ARHGEF18: variants seen among roughly 807,000 people sequenced by gnomAD.
ARHGEF18 encodes the protein Rho/Rac guanine nucleotide exchange factor 18.
A neutral mutation model predicts 155.7 loss-of-function variants in ARHGEF18; 93 were observed. The ratio of observed to expected loss-of-function variants is 0.60; its 90% CI spans 0.50 to 0.71. The LOEUF (loss-of-function observed/expected upper bound fraction) is 0.71, where lower values mean the gene tolerates loss of function less well. ARHGEF18 is among the 30% of genes least tolerant of loss of function. The pLI, the probability that ARHGEF18 is intolerant of heterozygous loss-of-function variation, is 0.00. For synonymous variants in ARHGEF18, 742 were observed against 753.1 expected, an observed-to-expected ratio of 0.99 and a Z score of 0.24; for missense variants, 1,593 against 1,816.1, an observed-to-expected ratio of 0.88 and a Z score of 2.23.
chr19:7,450,642 T>C, intron 15 of ARHGEF18, among the ~76,000 whole-genome samples: 1 of 148,616 alleles, frequency 6.7e-6, no homozygotes, highest in Non-Finnish European at 1.5e-5. Context: ...TTCCAAGATG[T>C]TAATACGGGA....
At chr19:7,376,297 T>C (rs1157686676) in intron 4 of ARHGEF18, among the ~76,000 whole-genome samples, 11 of 152,070 alleles carry the variant, frequency 7.2e-5, no homozygotes, top group Admixed American at 7.2e-4. Flanking sequence ...ACCTGAGGAA[T>C]GCATGCTTGG....
chr19:7,419,119 A>C (rs1396353196), intron 10 of ARHGEF18, among the ~76,000 whole-genome samples: 2 of 114,256 alleles, frequency 1.8e-5, no homozygotes, highest in African/African-American at 5.4e-5. Context: ...TCTGTACCCC[A>C]GATGTACCCA....
Position 7,441,781 on chromosome 19 carries a change from C to T in ARHGEF18, c.1219+16C>T, listed in dbSNP as rs2287908. The T allele has an allele frequency of 6.8e-5, 110 of 1,613,624 alleles. No homozygotes were observed. Among genetic ancestry groups the T allele is most frequent in the Non-Finnish European group, 8.8e-5 (104 of 1,179,628 alleles). On this transcript the variant is annotated intron_variant, in intron 12 of 28. Coordinates refer to ENST00000668164, the MANE Select transcript of ARHGEF18 (RefSeq NM_001367823.1). ...TTTGTAGAAGGTATGGTCATCTCCG[C>T]TCTCTCGCGGCTGCCACACAGTTCC...
chr19:7,398,939 T>A (rs1600297482), intron 10 of ARHGEF18, among the ~76,000 whole-genome samples: 2 of 152,338 alleles, frequency 1.3e-5, no homozygotes, highest in South Asian at 4.1e-4. Flanking sequence ...ACCTAGCACA[T>A]GTTTAACATA....
At chr19:7,477,091 T>G, downstream of ARHGEF18, 1 of 1,046,580 alleles carries the variant, frequency 9.6e-7, no homozygotes, top group Non-Finnish European at 1.3e-6. Context: ...TGCCCATGGG[T>G]TTCACCACAG....
At chr19:7,407,767 C>T (rs893458281) in intron 10 of ARHGEF18, among the ~76,000 whole-genome samples, 5 of 151,918 alleles carry the variant, frequency 3.3e-5, no homozygotes, top group Admixed American at 3.3e-4. Flanking sequence ...TTAAGACCAT[C>T]TTGACTAAAA....
intron 10 of ARHGEF18, among the ~76,000 whole-genome samples, chr19:7,411,304 T>TTCCC (rs1348345667): frequency 1.3e-5 from 1 of 74,774 alleles, no homozygotes; most frequent in Non-Finnish European, 2.9e-5. Context: ...TCCCCTTCCC[T>TTCCC]TTTCTTTTCT....
chr19:7,470,643 G>T lies in ARHGEF18; in HGVS notation c.*345G>T. ...GATCAACTCCGAGCTGTTTTTCCGA[G>T]GCAGTGAGGAACGGTGCCGGCTCTG... On this transcript the variant is annotated 3_prime_UTR_variant, in exon 29 of 29. Transcript: ENST00000668164. The surrounding 1 kb of genome is among the most constrained non-coding windows in gnomAD (Gnocchi z 5.9). The T allele has an allele frequency of 2.5e-6, 1 of 397,926 alleles. No homozygotes were observed. Among genetic ancestry groups the T allele is most frequent in the Non-Finnish European group, 4.4e-6 (1 of 225,694 alleles). 24.6% of individuals were successfully genotyped at this position (397,926 alleles called of 1,614,324 possible).
intron 2 of ARHGEF18, among the ~76,000 whole-genome samples, chr19:7,369,482 A>G (rs910125021): frequency 6.6e-6 from 1 of 150,562 alleles, no homozygotes; most frequent in Non-Finnish European, 1.5e-5. Flanking sequence ...AGAAAAAAAA[A>G]AGGAAAGAAA....
chr19:7,470,211 G>A lies in ARHGEF18; in HGVS notation c.3999G>A (p.Leu1333=), dbSNP rs779664750. 3 of 1,610,180 alleles carry A rather than the reference G, an allele frequency of 1.9e-6. No homozygotes were observed. Among genetic ancestry groups the A allele is most frequent in the Non-Finnish European group, 1.7e-6 (2 of 1,178,776 alleles). Residue 1333 remains leucine (L), a synonymous_variant, in exon 29 of 29, where the codon CTG becomes CTA. Coordinates refer to ENST00000668164, the MANE Select transcript of ARHGEF18 (RefSeq NM_001367823.1). The surrounding 1 kb of genome is among the most constrained non-coding windows in gnomAD (Gnocchi z 5.9). ...TCAAGGCCGGGGGCACAGCCCTCCTGCCCGGGCCCCCAGCTCCCTCGCCAC... is the reference window on the plus strand; with the variant it reads ...TCAAGGCCGGGGGCACAGCCCTCCTACCCGGGCCCCCAGCTCCCTCGCCAC... The part of the protein sequence containing the change: ...FSLKAGGTAL[L]PGPPAPSPLP...
chr19:7,374,445 G>A (rs769612280), intron 3 of ARHGEF18, among the ~76,000 whole-genome samples: 1 of 152,126 alleles, frequency 6.6e-6, no homozygotes, highest in Non-Finnish European at 1.5e-5. Flanking sequence ...GGGAGGCCAA[G>A]GCGGGTGGAT....
chr19:7,476,339 T>C (rs536245396), downstream of ARHGEF18, among the ~76,000 whole-genome samples: 4 of 147,016 alleles, frequency 2.7e-5, no homozygotes, highest in Non-Finnish European at 5.9e-5. Flanking sequence ...GTGCAATTGA[T>C]ATCACATGAG....
At chr19:7,420,397 C>T (rs541098624) in intron 10 of ARHGEF18, among the ~76,000 whole-genome samples, 4 of 152,258 alleles carry the variant, frequency 2.6e-5, no homozygotes, top group Admixed American at 6.5e-5. Context: ...GGACTACAGG[C>T]GTGTGCCATC....
chr19:7,467,335 G>C lies in ARHGEF18; in HGVS notation c.3131G>C (p.Arg1044Pro), dbSNP rs1426897856. ...GNLLLEQERQ[R>P]NFEKQREERA... is the part of the protein sequence containing the mutation. ...CTGCTGCTGGAGCAGGAGCGGCAAC[G>C]CAACTTCGAGAAGCAGCGGGAGGAG... Residue 1044 changes from arginine (R) to proline (P), a missense_variant, in exon 26 of 29, where the codon CGC (arginine) becomes CCC (proline). By Grantham distance (103) the Arg-to-Pro change is moderately radical. Coordinates refer to ENST00000668164, the MANE Select transcript of ARHGEF18 (RefSeq NM_001367823.1). 1 of 1,537,630 alleles carries C rather than the reference G, an allele frequency of 6.5e-7. No homozygotes were observed. The highest frequency in any genetic ancestry group is 2.0e-5 in the Admixed American group (1 of 51,030).
At chr19:7,358,469 C>T (rs1969415673) in intron 1 of ARHGEF18, among the ~76,000 whole-genome samples, 2 of 152,070 alleles carry the variant, frequency 1.3e-5, no homozygotes, top group Non-Finnish European at 2.9e-5. Context: ...CCTATCCAAC[C>T]ATTCACCCAT....
At chr19:7,394,039 G>A (rs1046754975) in intron 10 of ARHGEF18, among the ~76,000 whole-genome samples, 7 of 151,242 alleles carry the variant, frequency 4.6e-5, no homozygotes, top group Admixed American at 1.3e-4. Context: ...GTTATTTTGA[G>A]ACAGAGTCTT....
Position 7,471,612 on chromosome 19 carries a change from C to T in ARHGEF18, c.*1314C>T, listed in dbSNP as rs1259927186. 1 of 152,306 alleles carries T rather than the reference C, an allele frequency of 6.6e-6. No individual in the cohort carries two copies. 9.4% of individuals were successfully genotyped at this position (152,306 alleles called of 1,614,324 possible). On this transcript the variant is annotated 3_prime_UTR_variant, in exon 29 of 29. Coordinates refer to ENST00000668164, the MANE Select transcript of ARHGEF18 (RefSeq NM_001367823.1). The surrounding 1 kb of genome is among the most constrained non-coding windows in gnomAD (Gnocchi z 4.4). ...ATCCCGGGGGGATTCAGCCCTTCTC[C>T]CACTGTGCTGGCAGAGGCACTCCTG...
chr19:7,473,358 C>A (rs541678541), downstream of ARHGEF18: 2 of 447,526 alleles, frequency 4.5e-6, no homozygotes, highest in Non-Finnish European at 4.5e-6. Flanking sequence ...TTTTTAGTAG[C>A]CATATTAAAA....
chr19:7,408,985 A>G (rs924674788), intron 10 of ARHGEF18, among the ~76,000 whole-genome samples: 1 of 151,336 alleles, frequency 6.6e-6, no homozygotes, highest in African/African-American at 2.4e-5. Flanking sequence ...GCTTGAGTCC[A>G]GGAGTTCGAG....
Sources: allele counts gnomAD v4.1 joint callset (sites outside exome capture counted in the v4.1 genomes callset), GRCh38; gene constraint gnomAD v4.1.1; non-coding constraint Gnocchi (gnomAD v3.1); transcripts MANE v1.5; gene names NCBI Gene and HGNC (gene_info 2026-07-23, HGNC 2026-07-21).